The following PRKD1 variants were observed in gnomAD, a reference collection of about 807,000 sequenced individuals.
PRKD1 encodes protein kinase D1.
In PRKD1, 63 loss-of-function variants were observed where a neutral mutation model predicts 95.9. The observed-to-expected ratio is 0.66, with a 90% CI of 0.54 to 0.81. The LOEUF is 0.81. Ranked by LOEUF, PRKD1 falls within the 30% of genes least tolerant of loss-of-function variation. The pLI is 0.00. For synonymous variants in PRKD1, 425 were observed against 423.1 expected (o/e 1.00, Z -0.05); for missense variants, 1,048 against 1,165.3 (o/e 0.90, Z 1.47).
chr14:29,852,713 T>C (rs1031161748), intron 1 of PRKD1, among the ~76,000 whole-genome samples: 4 of 151,682 alleles, frequency 2.6e-5, no homozygotes, highest in Non-Finnish European at 5.9e-5. Flanking sequence ...TGACATAAAA[T>C]CAAATTAGAT....
chr14:29,668,807 A>G (rs1211557078), intron 2 of PRKD1, among the ~76,000 whole-genome samples: 1 of 152,216 alleles, frequency 6.6e-6, no homozygotes, highest in Non-Finnish European at 1.5e-5. Context: ...GCTGGCTATG[A>G]CAAGTTGAGA....
At chr14:29,626,889 AT>A (rs1263427760) in intron 11 of PRKD1, among the ~76,000 whole-genome samples, 1 of 151,886 alleles carries the variant, frequency 6.6e-6, no homozygotes, top group East Asian at 1.9e-4. Context: ...TAATTTTTGT[AT>A]TTTTAGTAGA....
At chr14:29,846,628 CAGA>C (rs1892089014) in intron 1 of PRKD1, among the ~76,000 whole-genome samples, 2 of 152,114 alleles carry the variant, frequency 1.3e-5, no homozygotes, top group Non-Finnish European at 2.9e-5. Flanking sequence ...GGAAGCCATG[CAGA>C]AGGTTTATAG....
At chr14:29,677,776 G>C (rs1268037103) in intron 2 of PRKD1, among the ~76,000 whole-genome samples, 1 of 152,170 alleles carries the variant, frequency 6.6e-6, no homozygotes, top group Admixed American at 6.5e-5. Context: ...TGTTGGCCAG[G>C]CTTGTCTCAA....
rs577944806 is a variant in PRKD1, at chr14:29,797,886, C to G, written c.265-72212G>C. Among the ~76,000 whole-genome samples the G allele has an allele frequency of 8.5e-5, 13 of 152,262 alleles. No individual in the cohort carries two copies. In the South Asian group the frequency reaches 2.3e-3, roughly 27 times the overall value. On this transcript the variant is annotated intron_variant, in intron 1 of 17. Transcript: ENST00000331968. ...GGTAATCAGTGGTTAATACCAACATCCTGGTGAAATACAGACACAAAACCT... is the reference window on the plus strand; with the variant it reads ...GGTAATCAGTGGTTAATACCAACATGCTGGTGAAATACAGACACAAAACCT...
intron 1 of PRKD1, among the ~76,000 whole-genome samples, chr14:29,800,278 A>G (rs1287024468): frequency 6.6e-6 from 1 of 152,190 alleles, no homozygotes; most frequent in East Asian, 1.9e-4. Context: ...CATCAACTGT[A>G]TATCTCCAAT....
At chr14:29,614,964 G>T (rs1485189571) in intron 13 of PRKD1, among the ~76,000 whole-genome samples, 2 of 148,940 alleles carry the variant, frequency 1.3e-5, no homozygotes, top group Admixed American at 6.8e-5. Flanking sequence ...TGCCCGCCTC[G>T]GCCTCCCAAA....
At chr14:29,584,934 G>C (rs1340908107) in intron 16 of PRKD1, among the ~76,000 whole-genome samples, 5 of 152,046 alleles carry the variant, frequency 3.3e-5, no homozygotes, top group Middle Eastern at 3.2e-3. Context: ...ATTTTCCCCC[G>C]ACTTCTCTCC....
chr14:29,624,747 GAGAAGATT>G (rs1879505130), intron 12 of PRKD1, among the ~76,000 whole-genome samples: 1 of 152,094 alleles, frequency 6.6e-6, no homozygotes, highest in Non-Finnish European at 1.5e-5. Flanking sequence ...CTACAATGAG[GAGAAGATT>G]GGATGAAAGG....
intron 1 of PRKD1, among the ~76,000 whole-genome samples, chr14:29,926,886 G>C (rs542456865): frequency 1.3e-5 from 2 of 151,986 alleles, no homozygotes. Flanking sequence ...CGCTGGTCCA[G>C]GGTCCGTAGG....
intron 17 of PRKD1, 93 bp downstream of exon 17, chr14:29,578,182 T>C: frequency 9.9e-7 from 1 of 1,014,728 alleles, no homozygotes; most frequent in Non-Finnish European, 1.5e-6. Flanking sequence ...ATAATCACAC[T>C]TTAAAAATTA....
intron 1 of PRKD1, among the ~76,000 whole-genome samples, chr14:29,781,408 C>T (rs1266041472): frequency 1.3e-5 from 2 of 152,134 alleles, no homozygotes; most frequent in East Asian, 3.9e-4. Flanking sequence ...CACCAGTTTA[C>T]CCCCTCAATA....
intron 1 of PRKD1, among the ~76,000 whole-genome samples, chr14:29,855,946 C>T (rs1892483149): frequency 6.6e-6 from 1 of 152,214 alleles, no homozygotes; most frequent in Admixed American, 6.5e-5. Context: ...CATTAAACCT[C>T]TTTCTTTTGT....
Position 29,578,377 on chromosome 14 carries a change from G to C in PRKD1, c.2435-17C>G, listed in dbSNP as rs199822120. 1.9e-4 allele frequency: 289 copies of C among 1,556,898 alleles called. No homozygotes were observed. The highest frequency in any genetic ancestry group is 2.4e-4 in the Non-Finnish European group (271 of 1,136,826). ...GATCAATGGCTGAAAAAAATTACCA[G>C]TAAAAATAGATGACAAATCTGTAAC... On this transcript the variant is annotated splice_polypyrimidine_tract_variant and intron_variant, in intron 16 of 17. Transcript: ENST00000331968.
chr14:29,631,044 A>C, intron 9 of PRKD1, 23 bp from the exon 10 acceptor site: 1 of 1,568,296 alleles, frequency 6.4e-7, no homozygotes, highest in South Asian at 1.2e-5. Flanking sequence ...AAAAGTACTA[A>C]ATGTTGTTTA....
chr14:29,650,236 C>G (rs1881405978), intron 4 of PRKD1: 1 of 152,492 alleles, frequency 6.6e-6, no homozygotes, highest in African/African-American at 2.4e-5. Context: ...TTGTCACTCC[C>G]CTGGAGGTGA....
chr14:29,918,587 C>T (rs981067759), intron 1 of PRKD1, among the ~76,000 whole-genome samples: 1 of 152,144 alleles, frequency 6.6e-6, no homozygotes, highest in Non-Finnish European at 1.5e-5. Context: ...CAATTTACCA[C>T]TTGACTCTTT....
At chr14:29,779,684 A>C (rs1888950987) in intron 1 of PRKD1, among the ~76,000 whole-genome samples, 3 of 152,334 alleles carry the variant, frequency 2.0e-5, no homozygotes, top group Admixed American at 6.5e-5. Context: ...GATAGGAAGA[A>C]TCAACATCGT....
intron 13 of PRKD1, among the ~76,000 whole-genome samples, chr14:29,616,311 A>G (rs1208780778): frequency 2.0e-5 from 3 of 151,226 alleles, no homozygotes; most frequent in African/African-American, 7.3e-5. Flanking sequence ...GTAGAAACCA[A>G]TGACAAGAGG....
Sources: allele counts gnomAD v4.1 joint callset (sites outside exome capture counted in the v4.1 genomes callset), GRCh38; gene constraint gnomAD v4.1.1; transcripts MANE v1.5; gene names NCBI Gene and HGNC (gene_info 2026-07-23, HGNC 2026-07-21).